The following LHPP variants were observed in gnomAD, a reference collection of about 807,000 sequenced individuals.
LHPP encodes the protein phospholysine phosphohistidine inorganic pyrophosphate phosphatase, also known as hLHPP.
In LHPP, 24 loss-of-function variants were observed where a neutral mutation model predicts 30.3. That is an observed-to-expected ratio of 0.79 (90% CI 0.57 to 1.11). The LOEUF (loss-of-function observed/expected upper bound fraction) is 1.11. Among genes scored for constraint, LHPP ranks in the 50% most tolerant of loss-of-function variants. The pLI is 0.00. For missense variants in LHPP, 356 were observed against 367.2 expected (o/e 0.97, Z 0.25); for synonymous variants, 150 against 157.1 (o/e 0.95, Z 0.34).
Position 124,575,640 on chromosome 10 carries a change from G to A in LHPP, c.717-37624G>A, listed in dbSNP as rs1183837125. On this transcript the variant is annotated intron_variant, in intron 6 of 6. Coordinates refer to ENST00000368842, the MANE Select transcript of LHPP (RefSeq NM_022126.4). ...GCTCTGAGCAGAGACCTCTGTAGGC[G>A]TCTGCAGGACTGGCTGGCCCTTGTG... is the stretch of plus-strand genomic sequence containing the variant. Among the ~76,000 whole-genome samples, 25 of 152,114 alleles carry A rather than the reference G, an allele frequency of 1.6e-4. 1 individual carries two copies. Among genetic ancestry groups the A allele is most frequent in the Admixed American group, 1.4e-3 (22 of 15,280 alleles).
intron 6 of LHPP, among the ~76,000 whole-genome samples, chr10:124,594,435 C>A (rs1948918283): frequency 6.6e-6 from 1 of 151,950 alleles, no homozygotes. Context: ...TTCCTGCCAG[C>A]CCCCTTCTGT....
At chr10:124,563,574 GCTT>G (rs1424284931) in intron 6 of LHPP, among the ~76,000 whole-genome samples, 11 of 152,048 alleles carry the variant, frequency 7.2e-5, no homozygotes, top group African/African-American at 2.7e-4. Context: ...GTGATGGAAA[GCTT>G]CTTTATTTCA....
intron 5 of LHPP, among the ~76,000 whole-genome samples, chr10:124,506,750 G>A (rs78550993): frequency 2.1e-5 from 1 of 48,710 alleles, no homozygotes; most frequent in African/African-American, 6.6e-5. Flanking sequence ...AGGTTGGGGG[G>A]TAGGGAAGAT....
chr10:124,537,753 T>C (rs368746148), intron 6 of LHPP, among the ~76,000 whole-genome samples: 108 of 152,300 alleles, frequency 7.1e-4, no homozygotes, highest in African/African-American at 2.5e-3. Flanking sequence ...GCAGTGCCCA[T>C]GGGCCGGGCT....
intron 6 of LHPP, among the ~76,000 whole-genome samples, chr10:124,551,408 C>G (rs1476655317): frequency 6.6e-6 from 1 of 152,216 alleles, no homozygotes; most frequent in East Asian, 1.9e-4. Context: ...CCCAGCACCC[C>G]TTCCCCAGGC....
At chr10:124,527,152 C>T (rs944469375) in intron 6 of LHPP, among the ~76,000 whole-genome samples, 19 of 152,216 alleles carry the variant, frequency 1.2e-4, no homozygotes, top group Non-Finnish European at 1.3e-4. Flanking sequence ...CTCTGCGGCT[C>T]GGGGACACGG....
In LHPP at chr10:124,497,265, TCCTCCC is replaced by T. The variant is rs1953749005; in HGVS notation, c.531+243_531+248del. On this transcript the variant is annotated intron_variant, in intron 4 of 6. Transcript: ENST00000368842. ...CTTCCCATCCTCCCCATCCTCCCCA[TCCTCCC>T]CATCCTCCCCATCCTCCCCATCCTC... 3.2e-5 allele frequency among the ~76,000 whole-genome samples: 3 copies of T among 94,182 alleles called. No individual in the cohort carries two copies. The Admixed American group carries it at 3.3e-4, about 10-fold the overall frequency. The allele number at this position is 94,182 out of a possible 152,430, so 61.8% of individuals were successfully genotyped here.
chr10:124,525,474 G>GGGA (rs1770018734), intron 6 of LHPP, among the ~76,000 whole-genome samples: 1 of 152,246 alleles, frequency 6.6e-6, no homozygotes, highest in Non-Finnish European at 1.5e-5. Context: ...TGTTCTGGGA[G>GGGA]GGAGGCCCAT....
At position 124,488,474 on chromosome 10, in the gene LHPP, A is replaced by C. The variant is rs754240341; in HGVS notation, c.366A>C (p.Val122=). Residue 122 remains valine (V), a synonymous_variant, in exon 3 of 7, where the codon GTA becomes GTC. Transcript: ENST00000368842. ...ACACATCCAACCCAAACTGTGTGGTAATTGCAGACGCAGGAGAAAGCTTTT... is the reference window on the plus strand; with the variant it reads ...ACACATCCAACCCAAACTGTGTGGTCATTGCAGACGCAGGAGAAAGCTTTT... ...QIDTSNPNCV[V]IADAGESFSY... 6.2e-7 allele frequency: 1 copy of C among 1,614,002 alleles called. No individual in the cohort carries two copies. Among genetic ancestry groups the C allele is most frequent in the South Asian group, 1.1e-5 (1 of 91,068 alleles).
At chr10:124,580,711 TTTTTTTTTTC>T (rs200254978) in intron 6 of LHPP, among the ~76,000 whole-genome samples, 35,677 of 124,130 alleles carry the variant, frequency 0.29, 3,865 homozygotes, top group African/African-American at 0.41. Context: ...AACATTTTCT[TTTTTTTTTTC>T]TTTTTTTTTT....
At chr10:124,572,897 C>T (rs1338063817) in intron 6 of LHPP, among the ~76,000 whole-genome samples, 3 of 152,196 alleles carry the variant, frequency 2.0e-5, no homozygotes, top group African/African-American at 4.8e-5. Context: ...ATACTCTGTA[C>T]GTTGCTGGGA....
At chr10:124,519,197 C>T (rs1017921011) in intron 6 of LHPP, among the ~76,000 whole-genome samples, 17 of 152,224 alleles carry the variant, frequency 1.1e-4, no homozygotes, top group Non-Finnish European at 2.9e-5. Flanking sequence ...AACCACCCGC[C>T]TCTTCCTCCG....
At chr10:124,467,310 G>A (rs201339887) in intron 1 of LHPP, among the ~76,000 whole-genome samples, 17 of 151,078 alleles carry the variant, frequency 1.1e-4, no homozygotes, top group African/African-American at 3.9e-4. Flanking sequence ...GCGGACATAC[G>A]GGGTATTGTG....
chr10:124,472,361 A>G (rs1952806057), intron 1 of LHPP, among the ~76,000 whole-genome samples: 1 of 152,164 alleles, frequency 6.6e-6, no homozygotes. Flanking sequence ...CACAGTTTAT[A>G]TGCTTAGAAG....
intron 1 of LHPP, among the ~76,000 whole-genome samples, chr10:124,474,285 G>A (rs1192260543): frequency 6.6e-6 from 1 of 151,754 alleles, no homozygotes; most frequent in Admixed American, 6.6e-5. Context: ...GACTACAAGT[G>A]CACACCACTG....
chr10:124,491,499 G>A (rs1307888261), intron 3 of LHPP, among the ~76,000 whole-genome samples: 1 of 152,220 alleles, frequency 6.6e-6, no homozygotes, highest in East Asian at 1.9e-4. Flanking sequence ...AGCCACAGGA[G>A]ATGAAATAAG....
chr10:124,522,803 G>A (rs1274584489), intron 6 of LHPP, among the ~76,000 whole-genome samples: 2 of 151,862 alleles, frequency 1.3e-5, no homozygotes, highest in African/African-American at 4.8e-5. Flanking sequence ...GGATGGGGCT[G>A]GGCTGGGAGC....
At chr10:124,506,925 C>G (rs1347534882) in intron 5 of LHPP, among the ~76,000 whole-genome samples, 3 of 12,474 alleles carry the variant, frequency 2.4e-4, no homozygotes, top group Non-Finnish European at 3.9e-4. Context: ...GGGGGGTAGA[C>G]AGGATTTCAG....
intron 4 of LHPP, among the ~76,000 whole-genome samples, chr10:124,497,273 ATCCTC>A (rs1953750064): frequency 2.0e-5 from 1 of 49,114 alleles, no homozygotes; most frequent in African/African-American, 8.1e-5. Flanking sequence ...CATCCTCCCC[ATCCTC>A]CCCATCCTCC....
Sources: gnomAD v4.1 joint callset for allele counts (sites outside exome capture counted in the v4.1 genomes callset) on GRCh38, gnomAD v4.1.1 for gene constraint, MANE v1.5 for transcripts, NCBI Gene and HGNC (gene_info 2026-07-23, HGNC 2026-07-21) for gene names.